Variants in GMDS observed in about 807,000 individuals in gnomAD.
GMDS encodes GDP-mannose 4,6 dehydratase.
Under a neutral mutation model 49.9 loss-of-function variants are expected in GMDS, and 20 were observed. The ratio of observed to expected loss-of-function variants is 0.40; its 90% confidence interval spans 0.28 to 0.58. GMDS has a LOEUF of 0.58. Ranked by LOEUF, GMDS falls within the 20% of genes least tolerant of loss-of-function variation. The pLI, the probability that GMDS is intolerant of heterozygous loss-of-function variation, is 0.42. For missense variants in GMDS, 362 were observed against 481.4 expected, an observed-to-expected ratio of 0.75 and a Z score of 2.32; for synonymous variants, 177 against 178.6, an observed-to-expected ratio of 0.99 and a Z score of 0.07.
chr6:2,074,010 C>T (rs1439920793), intron 4 of GMDS, among the ~76,000 whole-genome samples: 8 of 152,242 alleles, frequency 5.3e-5, no homozygotes, highest in South Asian at 2.1e-4. Flanking sequence ...ATACTAATTT[C>T]CTTTCCTTTG....
At chr6:1,864,435 A>T (rs1297079454) in intron 7 of GMDS, among the ~76,000 whole-genome samples, 1 of 152,226 alleles carries the variant, frequency 6.6e-6, no homozygotes, top group Non-Finnish European at 1.5e-5. Context: ...AAAAATGTTA[A>T]CTAGAGATTT....
chr6:1,716,478 T>C (rs1457876242), intron 9 of GMDS, among the ~76,000 whole-genome samples: 1 of 152,120 alleles, frequency 6.6e-6, no homozygotes, highest in Non-Finnish European at 1.5e-5. Flanking sequence ...TTAAGACTCG[T>C]GACAGCAAGA....
rs141321227 is a variant in GMDS at position 1,750,627 on chromosome 6, C to T, written c.772-8041G>A. Among the ~76,000 whole-genome samples the T allele has an allele frequency of 4.4e-3, 665 of 152,228 alleles. 3 individuals carry two copies. The highest frequency in any genetic ancestry group is 0.015 in the African/African-American group (615 of 41,536). ...CCTTCGGGTGCCTATACCACCAGGG[C>T]CCTGGGTTTCAAGCACAAAACTGGG... is the stretch of plus-strand genomic sequence containing the variant. On this transcript the variant is annotated intron_variant, in intron 7 of 10. Transcript: ENST00000380815.
Position 1,726,467 on chromosome 6 carries a change from G to C in GMDS, c.936C>G (p.Thr312=), listed in dbSNP as rs1248684746. ...GATCCACAGTCACGTGAACTTTGCC[G>C]GTCTCTTTACATCTGCCCACTTCAT... is the stretch of plus-strand genomic sequence containing the variant. ...NENEVGRCKE[T]GKVHVTVDLK... Residue 312 remains threonine (T), a synonymous_variant, in exon 9 of 11, where the codon ACC becomes ACG. Transcript: ENST00000380815. 1.2e-6 allele frequency: 2 copies of C among 1,613,642 alleles called. No individual in the cohort carries two copies. The highest frequency in any genetic ancestry group is 2.2e-5 in the East Asian group (1 of 44,896).
At chr6:1,760,094 G>A (rs1209087021) in intron 7 of GMDS, among the ~76,000 whole-genome samples, 1 of 152,220 alleles carries the variant, frequency 6.6e-6, no homozygotes, top group Non-Finnish European at 1.5e-5. Flanking sequence ...ACCTGTGTGG[G>A]CAGCAGAGTG....
At chr6:2,154,525 G>T (rs957619529) in intron 1 of GMDS, among the ~76,000 whole-genome samples, 4 of 151,992 alleles carry the variant, frequency 2.6e-5, no homozygotes, top group Admixed American at 2.6e-4. Flanking sequence ...TATAAAATAG[G>T]AAAGAAAGGC....
intron 9 of GMDS, among the ~76,000 whole-genome samples, chr6:1,694,069 T>A (rs910707260): frequency 2.0e-5 from 3 of 152,148 alleles, no homozygotes; most frequent in African/African-American, 7.2e-5. Context: ...AAAGAGAAGA[T>A]CCTGGGCCCC....
chr6:2,135,129 TA>T (rs1775929803), intron 1 of GMDS, among the ~76,000 whole-genome samples: 2 of 152,180 alleles, frequency 1.3e-5, no homozygotes, highest in South Asian at 2.1e-4. Context: ...TCAATCAAAA[TA>T]AAAACGTTTC....
intron 7 of GMDS, among the ~76,000 whole-genome samples, chr6:1,774,048 A>T (rs1768690798): frequency 6.6e-6 from 1 of 152,358 alleles, no homozygotes; most frequent in South Asian, 2.1e-4. Context: ...AATTGAAGAA[A>T]ATCTTGAAAG....
intron 4 of GMDS, among the ~76,000 whole-genome samples, chr6:2,066,574 C>G (rs979822461): frequency 4.0e-5 from 6 of 151,718 alleles, no homozygotes; most frequent in Non-Finnish European, 4.4e-5. Flanking sequence ...TGAAGATCTA[C>G]CAAGCAAATG....
chr6:1,970,423 G>A (rs967688924), intron 4 of GMDS, among the ~76,000 whole-genome samples: 3 of 152,088 alleles, frequency 2.0e-5, no homozygotes, highest in Non-Finnish European at 4.4e-5. Flanking sequence ...CCCCGCCCCC[G>A]CCCCGCTCCA....
chr6:1,780,808 T>C (rs1769050811), intron 7 of GMDS, among the ~76,000 whole-genome samples: 1 of 152,234 alleles, frequency 6.6e-6, no homozygotes, highest in South Asian at 2.1e-4. Flanking sequence ...TTGTTTTGCT[T>C]TGTTATACAC....
At chr6:1,903,886 C>T (rs1331907077) in intron 7 of GMDS, among the ~76,000 whole-genome samples, 7 of 152,292 alleles carry the variant, frequency 4.6e-5, no homozygotes, top group Non-Finnish European at 1.0e-4. Context: ...CAGCTTGCTA[C>T]TCTCCTGAAG....
chr6:1,771,025 TAAAC>T (rs1561793677), intron 7 of GMDS, among the ~76,000 whole-genome samples: 1 of 152,060 alleles, frequency 6.6e-6, no homozygotes, highest in Non-Finnish European at 1.5e-5. Flanking sequence ...ATAGGATATA[TAAAC>T]AAACTAAAAT....
At chr6:1,776,474 G>C (rs1050367180) in intron 7 of GMDS, among the ~76,000 whole-genome samples, 1 of 151,668 alleles carries the variant, frequency 6.6e-6, no homozygotes, top group East Asian at 1.9e-4. Flanking sequence ...GATCACTTGA[G>C]GCCAGGAGTT....
intron 7 of GMDS, among the ~76,000 whole-genome samples, chr6:1,747,490 G>GCACACA (rs1178016445): frequency 3.4e-5 from 4 of 118,818 alleles, no homozygotes; most frequent in African/African-American, 1.1e-4. Context: ...GCGTGTGCGC[G>GCACACA]CACACACACA....
At position 1,766,936 on chromosome 6, in the gene GMDS, C is replaced by T. The variant is rs2113568226; in HGVS notation, c.772-24350G>A. Among the ~76,000 whole-genome samples, 1 of 152,330 alleles carries T rather than the reference C, an allele frequency of 6.6e-6. No homozygotes were observed. The highest frequency in any genetic ancestry group is 2.1e-4 in the South Asian group (1 of 4,826). On this transcript the variant is annotated intron_variant, in intron 7 of 10. Coordinates refer to ENST00000380815, the MANE Select transcript of GMDS (RefSeq NM_001500.4). The surrounding 1 kb of genome is among the most constrained non-coding windows in gnomAD (Gnocchi z 4.5). ...CCGGGTAAGGGTTCTTTATTTCCTG[C>T]TGAATCTGACTTAAGTGTAAAATCG... is the stretch of plus-strand genomic sequence containing the variant.
chr6:1,659,208 GC>G (rs1228287933), intron 9 of GMDS, among the ~76,000 whole-genome samples: 1 of 150,590 alleles, frequency 6.6e-6, no homozygotes, highest in African/African-American at 2.5e-5. Context: ...CGGTGGCAGG[GC>G]CTTTTTTTTT....
Position 1,981,106 on chromosome 6 carries a change from A to G in GMDS, c.346-20140T>C, listed in dbSNP as rs186693802. Among the ~76,000 whole-genome samples the G allele has an allele frequency of 3.1e-3, 468 of 152,282 alleles. 2 individuals are homozygous for G. The highest frequency in any genetic ancestry group is 6.1e-3 in the Admixed American group (93 of 15,306). ...AAAAAGCTAGAAAGATCTCAAATTA[A>G]CAACCTAACATCAGAATTAATAGAA... is the stretch of plus-strand genomic sequence containing the variant. On this transcript the variant is annotated intron_variant, in intron 4 of 10. Transcript: ENST00000380815.
Sources: allele counts gnomAD v4.1 joint callset (sites outside exome capture counted in the v4.1 genomes callset), GRCh38; gene constraint gnomAD v4.1.1; non-coding constraint Gnocchi (gnomAD v3.1); transcripts MANE v1.5; gene names NCBI Gene and HGNC (gene_info 2026-07-23, HGNC 2026-07-21).